UGT1A8: variants seen among roughly 807,000 people sequenced by gnomAD.
UGT1A8 encodes the protein UDP glucuronosyltransferase family 1 member A8.
Under a neutral mutation model 45.3 loss-of-function variants are expected in UGT1A8, and 39 were observed. The ratio of observed to expected loss-of-function variants is 0.86; its 90% CI spans 0.67 to 1.12. The LOEUF (loss-of-function observed/expected upper bound fraction) is 1.12. Ranked by LOEUF, UGT1A8 falls within the 50% of genes most tolerant of loss-of-function variation. UGT1A8 has a pLI of 0.00. For synonymous variants in UGT1A8, 275 were observed against 249.2 expected (o/e 1.10, Z -0.97); for missense variants, 719 against 664.9 (o/e 1.08, Z -0.90).
chr2:233,726,424 A>G (rs540459966), intron 1 of UGT1A8, among the ~76,000 whole-genome samples: 1 of 151,962 alleles, frequency 6.6e-6, no homozygotes, highest in East Asian at 1.9e-4. Flanking sequence ...GATTCTGTCC[A>G]CTCTTAATCT....
intron 1 of UGT1A8, among the ~76,000 whole-genome samples, chr2:233,702,315 T>G (rs2075680804): frequency 6.6e-6 from 1 of 152,230 alleles, no homozygotes; most frequent in Non-Finnish European, 1.5e-5. Context: ...ATCTTGTACT[T>G]CAACATTTCT....
rs569277751 is a variant in UGT1A8 at position 233,714,539 on chromosome 2, G to A, written c.856-52495G>A. ...TAGGTTAACTTCATGGTCTAATACC[G>A]AAGTGTCCAATAGAAATATCATGTA... On this transcript the variant is annotated intron_variant, in intron 1 of 4. Transcript: ENST00000373450. Among the ~76,000 whole-genome samples the A allele has an allele frequency of 4.3e-4, 65 of 152,304 alleles. 2 individuals are homozygous for A. The South Asian group carries it at 7.5e-3, about 18-fold the overall frequency.
At chr2:233,710,883 A>G (rs916106723) in intron 1 of UGT1A8, among the ~76,000 whole-genome samples, 10 of 152,160 alleles carry the variant, frequency 6.6e-5, no homozygotes, top group African/African-American at 2.4e-4. Context: ...AAACAGTTTA[A>G]GTTTGTAGGT....
chr2:233,743,530 C>A (rs781463146), intron 1 of UGT1A8: 1 of 1,367,250 alleles, frequency 7.3e-7, no homozygotes, highest in Non-Finnish European at 9.8e-7. Flanking sequence ...GCTTCCCCAG[C>A]AGTTCCTCTG....
chr2:233,716,591 A>G (rs766346960), intron 1 of UGT1A8, among the ~76,000 whole-genome samples: 5 of 152,152 alleles, frequency 3.3e-5, no homozygotes, highest in Non-Finnish European at 7.4e-5. Context: ...CAAAGAGCAA[A>G]AATTTTAGAA....
At chr2:233,707,961 T>C (rs971341619) in intron 1 of UGT1A8, among the ~76,000 whole-genome samples, 10 of 152,228 alleles carry the variant, frequency 6.6e-5, no homozygotes, top group Non-Finnish European at 1.2e-4. Flanking sequence ...CTTTTGCCCA[T>C]TCAAGTCTAT....
intron 1 of UGT1A8, among the ~76,000 whole-genome samples, chr2:233,728,046 T>C (rs537522155): frequency 1.8e-4 from 28 of 152,360 alleles, no homozygotes; most frequent in Admixed American, 3.9e-4. Flanking sequence ...ATAAGCCTCA[T>C]TGGGCTTGAG....
At position 233,767,018 on chromosome 2, in the gene UGT1A8, T is replaced by G. The variant is rs1699309557; in HGVS notation, c.856-16T>G. ...TATGAGAAAAAATTAACTGAAAATT[T>G]TTCTTCTGGCTCTAGGAATTTGAAG... On this transcript the variant is annotated splice_polypyrimidine_tract_variant and intron_variant, in intron 1 of 4. Coordinates refer to ENST00000373450, the MANE Select transcript of UGT1A8 (RefSeq NM_019076.5). 1 of 1,613,912 alleles carries G rather than the reference T, an allele frequency of 6.2e-7. No individual in the cohort carries two copies. Among genetic ancestry groups the G allele is most frequent in the East Asian group, 2.2e-5 (1 of 44,862 alleles).
chr2:233,617,812 G>A lies in UGT1A8; in HGVS notation c.105G>A (p.Gly35=), dbSNP rs747477148. The change falls in exon 1 of 5, where the codon GGG becomes GGA. Residue 35 remains glycine (G), a synonymous_variant. Coordinates refer to ENST00000373450, the MANE Select transcript of UGT1A8 (RefSeq NM_019076.5). Reference sequence around the variant, plus strand: ...AGCTGCTGGTAGTGCCCATGGATGGGAGTCACTGGTTCACCATGCAGTCGG... The same window carrying A: ...AGCTGCTGGTAGTGCCCATGGATGGAAGTCACTGGTTCACCATGCAGTCGG... ...AGKLLVVPMD[G]SHWFTMQSVV... is the part of the protein sequence containing the mutation. 2.3e-5 allele frequency: 37 copies of A among 1,614,000 alleles called. No homozygotes were observed. The highest frequency in any genetic ancestry group is 2.8e-5 in the Non-Finnish European group (33 of 1,180,028).
At chr2:233,733,982 G>A (rs1360923030) in intron 1 of UGT1A8, among the ~76,000 whole-genome samples, 2 of 152,070 alleles carry the variant, frequency 1.3e-5, no homozygotes, top group Non-Finnish European at 2.9e-5. Flanking sequence ...GGGAGGGATA[G>A]CATTAGGAGA....
At chr2:233,767,212 G>T (rs377453564) in intron 2 of UGT1A8, 47 bp downstream of exon 2, 3 of 1,612,180 alleles carry the variant, frequency 1.9e-6, no homozygotes, top group Admixed American at 3.3e-5. Flanking sequence ...TCACAGGAGC[G>T]CTAATCCCAG....
At chr2:233,748,817 G>A (rs1468052595) in intron 1 of UGT1A8, among the ~76,000 whole-genome samples, 2 of 151,366 alleles carry the variant, frequency 1.3e-5, no homozygotes, top group Non-Finnish European at 2.9e-5. Context: ...AATTGTGGAA[G>A]GGTCTAGGGA....
At chr2:233,682,476 G>A in intron 1 of UGT1A8, 1 of 1,613,894 alleles carries the variant, frequency 6.2e-7, no homozygotes, top group Non-Finnish European at 8.5e-7. Flanking sequence ...CTTGAAGAAG[G>A]TGCACAGTGC....
chr2:233,652,997 G>A (rs566432975), intron 1 of UGT1A8, among the ~76,000 whole-genome samples: 5 of 152,134 alleles, frequency 3.3e-5, no homozygotes, highest in Non-Finnish European at 5.9e-5. Context: ...GTGTGTCAAG[G>A]ACACTATCGA....
intron 1 of UGT1A8, among the ~76,000 whole-genome samples, chr2:233,720,449 T>C (rs1240396680): frequency 6.6e-6 from 1 of 152,106 alleles, no homozygotes; most frequent in East Asian, 1.9e-4. Context: ...ATAAGCCCAG[T>C]GAAGCTGGGA....
chr2:233,719,117 G>A (rs761490999), intron 1 of UGT1A8: 5 of 1,614,258 alleles, frequency 3.1e-6, no homozygotes, highest in Admixed American at 3.3e-5. Context: ...ACACTCAAGG[G>A]TTCTTTGAAA....
intron 1 of UGT1A8, among the ~76,000 whole-genome samples, chr2:233,653,279 C>T (rs2073783000): frequency 6.6e-6 from 1 of 152,134 alleles, no homozygotes; most frequent in Non-Finnish European, 1.5e-5. Flanking sequence ...ACTTCATAGG[C>T]CACTTTACAC....
At chr2:233,724,531 C>T (rs557040072) in intron 1 of UGT1A8, among the ~76,000 whole-genome samples, 5 of 121,606 alleles carry the variant, frequency 4.1e-5, no homozygotes, top group Admixed American at 8.0e-5. Context: ...GGGGTCTCGC[C>T]GGGCAGAGGC....
intron 1 of UGT1A8, among the ~76,000 whole-genome samples, chr2:233,662,964 A>G (rs1452355127): frequency 6.6e-6 from 1 of 152,150 alleles, no homozygotes; most frequent in Non-Finnish European, 1.5e-5. Context: ...TTATTTTATC[A>G]TTAATTATGG....
Sources: gnomAD v4.1 joint callset for allele counts (sites outside exome capture counted in the v4.1 genomes callset) on GRCh38, gnomAD v4.1.1 for gene constraint, MANE v1.5 for transcripts, NCBI Gene and HGNC (gene_info 2026-07-23, HGNC 2026-07-21) for gene names.